The following MZT1 variants were observed in gnomAD, a reference collection of about 807,000 sequenced individuals.
The protein encoded by MZT1 is mitotic-spindle organizing protein 1.
Under a neutral mutation model 8.5 loss-of-function variants are expected in MZT1, and 8 were observed. The ratio of observed to expected loss-of-function variants is 0.94; its 90% CI spans 0.55 to 1.70. MZT1 has a LOEUF of 1.70. Among genes scored for constraint, MZT1 ranks in the 40% most tolerant of loss-of-function variants. MZT1 has a pLI of 0.00. For synonymous variants in MZT1, 38 were observed against 42.0 expected, an observed-to-expected ratio of 0.90 and a Z score of 0.37; for missense variants, 93 against 108.6, an observed-to-expected ratio of 0.86 and a Z score of 0.64.
chr13:72,711,565 T>C (rs1198332919), intron 2 of MZT1, among the ~76,000 whole-genome samples: 1 of 152,172 alleles, frequency 6.6e-6, no homozygotes, highest in Non-Finnish European at 1.5e-5. Context: ...TACCCTTGAT[T>C]TGTTATCCTA....
rs1390331023 is a variant in MZT1 at position 72,723,748 on chromosome 13, A to G, written c.79+3776T>C. Among the ~76,000 whole-genome samples, 3 of 152,382 alleles carry G rather than the reference A, an allele frequency of 2.0e-5. No homozygotes were observed. The East Asian group carries it at 5.8e-4, about 29-fold the overall frequency. On this transcript the variant is annotated intron_variant, in intron 1 of 2. Transcript: ENST00000377818. Reference sequence around the variant, plus strand: ...TTGTGCCTATTATGCTACTGCTGCAAATACAGTTATGAACAAGGTATATAT... The same window carrying G: ...TTGTGCCTATTATGCTACTGCTGCAGATACAGTTATGAACAAGGTATATAT...
intron 2 of MZT1, among the ~76,000 whole-genome samples, chr13:72,711,671 T>A (rs1258522740): frequency 6.8e-6 from 1 of 147,856 alleles, no homozygotes; most frequent in Admixed American, 7.1e-5. Flanking sequence ...ACAATTTCTC[T>A]TTACCTTAAT....
At chr13:72,715,216 G>A (rs1242953273) in intron 2 of MZT1, among the ~76,000 whole-genome samples, 1 of 152,212 alleles carries the variant, frequency 6.6e-6, no homozygotes, top group Non-Finnish European at 1.5e-5. Context: ...AAGATTTAAT[G>A]ACTACCCTGC....
At chr13:72,725,020 C>T (rs1204779866) in intron 1 of MZT1, among the ~76,000 whole-genome samples, 3 of 146,528 alleles carry the variant, frequency 2.0e-5, no homozygotes, top group Non-Finnish European at 3.0e-5. Context: ...GAGCCAAGGT[C>T]GCGCCACTGC....
In MZT1 at chr13:72,727,536, C is replaced by G. The variant is rs755693567; in HGVS notation, c.67G>C (p.Glu23Gln). The G allele has an allele frequency of 4.8e-5, 78 of 1,613,312 alleles. No homozygotes were observed. The highest frequency in any genetic ancestry group is 6.2e-5 in the Non-Finnish European group (73 of 1,179,730). ...AACGGAAACTCACCGTCCATGGTCTCCCGCACCGCATTCAGATTCGCCGCC... is the reference window on the plus strand; with the variant it reads ...AACGGAAACTCACCGTCCATGGTCTGCCGCACCGCATTCAGATTCGCCGCC... ...AAAANLNAVR[E>Q]TMDVLLEISR... is the part of the protein sequence containing the mutation. Residue 23 changes from glutamate to glutamine, a missense_variant, in exon 1 of 3, where the codon GAG becomes CAG. Physicochemically the swap from Glu to Gln is conservative, Grantham distance 29. Transcript: ENST00000377818.
intron 2 of MZT1, among the ~76,000 whole-genome samples, chr13:72,715,683 A>C (rs183883393): frequency 3.3e-5 from 5 of 152,116 alleles, no homozygotes; most frequent in African/African-American, 1.2e-4. Flanking sequence ...GTACTCGCTA[A>C]AGTGAGTGAA....
rs547156693 is a variant in MZT1, at chr13:72,726,678, A to G, written c.79+846T>C. On this transcript the variant is annotated intron_variant, in intron 1 of 2. Transcript: ENST00000377818. ...ATATAAAAATAATTGATCATCTTTGATATGTTTTTACATGGTTGTCTTATT... is the reference window on the plus strand; with the variant it reads ...ATATAAAAATAATTGATCATCTTTGGTATGTTTTTACATGGTTGTCTTATT... Among the ~76,000 whole-genome samples, 4 of 148,742 alleles carry G rather than the reference A, an allele frequency of 2.7e-5. No individual in the cohort carries two copies. The East Asian group carries it at 8.3e-4, about 31-fold the overall frequency.
rs937983678 is a variant in MZT1 at position 72,717,705 on chromosome 13, T to C, written c.225+1247A>G. On this transcript the variant is annotated intron_variant, in intron 2 of 2. Coordinates refer to ENST00000377818, the MANE Select transcript of MZT1 (RefSeq NM_001071775.3). ...GTCCAATAAATGTTCCCCATTTCCA[T>C]CTGGGTCTTCACTAAAAGTGCTTTT... Among the ~76,000 whole-genome samples, 4 of 152,174 alleles carry C rather than the reference T, an allele frequency of 2.6e-5. No homozygotes were observed. In the South Asian group the frequency reaches 8.3e-4, roughly 32 times the overall value.
chr13:72,718,109 T>C (rs2032554320), intron 2 of MZT1, among the ~76,000 whole-genome samples: 1 of 152,196 alleles, frequency 6.6e-6, no homozygotes, highest in Admixed American at 6.5e-5. Context: ...ATACCTACTA[T>C]ACATATTTAA....
Position 72,720,717 on chromosome 13 carries a change from C to T in MZT1, c.80-1620G>A, listed in dbSNP as rs377566545. 7.2e-5 allele frequency among the ~76,000 whole-genome samples: 11 copies of T among 152,078 alleles called. No individual in the cohort carries two copies. The East Asian group carries it at 1.4e-3, about 19-fold the overall frequency. On this transcript the variant is annotated intron_variant, in intron 1 of 2. Coordinates refer to ENST00000377818, the MANE Select transcript of MZT1 (RefSeq NM_001071775.3). ...CAGCCTGACCAACATGGAGAAACCCCGTCTCTACTAAAAATACAAAATTAG... is the reference window on the plus strand; with the variant it reads ...CAGCCTGACCAACATGGAGAAACCCTGTCTCTACTAAAAATACAAAATTAG...
At chr13:72,718,537 G>A (rs181048293) in intron 2 of MZT1, among the ~76,000 whole-genome samples, 35 of 151,150 alleles carry the variant, frequency 2.3e-4, no homozygotes, top group African/African-American at 8.5e-4. Context: ...GTGCAGTGTC[G>A]CCAACTTGGC....
intron 1 of MZT1, 46 bp downstream of exon 1, chr13:72,727,478 G>A (rs1164317147): frequency 3.1e-6 from 5 of 1,590,180 alleles, no homozygotes; most frequent in Non-Finnish European, 4.3e-6. Context: ...GGGGGCCTTG[G>A]CTCTGGGAAG....
rs759695356 is a variant in MZT1, at chr13:72,727,571, G to A, written c.32C>T (p.Ala11Val). Residue 11 changes from alanine (A) to valine (V), a missense_variant, in exon 1 of 3, where the codon GCG (alanine) becomes GTG (valine). Transcript: ENST00000377818. ...ATTCAGATTCGCCGCCGCGGCCGCC[G>A]CCGCCGCCCCAGCACCGCTGCTACT... Reference protein sequence around the residue: MASSSGAGAAAAAAAANLNAV... With the variant: MASSSGAGAAVAAAAANLNAV... 1.3e-6 allele frequency: 2 copies of A among 1,596,740 alleles called. No individual in the cohort carries two copies. The highest frequency in any genetic ancestry group is 4.5e-5 in the East Asian group (2 of 44,402).
chr13:72,718,654 A>G (rs1199774453), intron 2 of MZT1, among the ~76,000 whole-genome samples: 2 of 151,648 alleles, frequency 1.3e-5, no homozygotes, highest in Non-Finnish European at 2.9e-5. Context: ...ATTTTTTTGT[A>G]TTTTTAGTAG....
Position 72,708,892 on chromosome 13 carries a change from AGCT to A in MZT1, c.*1427_*1429del, listed in dbSNP as rs1341411970. The A allele has an allele frequency of 6.6e-6, 1 of 151,880 alleles. No homozygotes were observed. The highest frequency in any genetic ancestry group is 1.5e-5 in the Non-Finnish European group (1 of 67,908). 9.4% of individuals were successfully genotyped at this position (151,880 alleles called of 1,614,324 possible). On this transcript the variant is annotated 3_prime_UTR_variant, in exon 3 of 3. Coordinates refer to ENST00000377818, the MANE Select transcript of MZT1 (RefSeq NM_001071775.3). The stretch of plus-strand genomic sequence containing the variant: ...TACCAAATCTTAATAAAACCACTTC[AGCT>A]TGTCTGAAAAACAAAAAATGCTAGT...
intron 1 of MZT1, among the ~76,000 whole-genome samples, chr13:72,725,001 G>C (rs1046211474): frequency 1.3e-5 from 2 of 149,584 alleles, no homozygotes; most frequent in African/African-American, 4.9e-5. Context: ...GGGAGGCGGA[G>C]GTTGCAGTGA....
rs1018277372 is a variant in MZT1, at chr13:72,709,161, T to C, written c.*1161A>G. On this transcript the variant is annotated 3_prime_UTR_variant, in exon 3 of 3. Coordinates refer to ENST00000377818, the MANE Select transcript of MZT1 (RefSeq NM_001071775.3). ...ACAAAACAATTCTGAAAAGCCATAC[T>C]TATAATCCTTGACATCAAGATGTTA... is the stretch of plus-strand genomic sequence containing the variant. 5 of 152,044 alleles carry C rather than the reference T, an allele frequency of 3.3e-5. No individual in the cohort carries two copies. Among genetic ancestry groups the C allele is most frequent in the African/African-American group, 4.8e-5 (2 of 41,458 alleles). 9.4% of individuals were successfully genotyped at this position (152,044 alleles called of 1,614,324 possible).
chr13:72,713,355 A>G (rs2032505753), intron 2 of MZT1, among the ~76,000 whole-genome samples: 1 of 152,168 alleles, frequency 6.6e-6, no homozygotes, highest in Admixed American at 6.5e-5. Flanking sequence ...GTCCCTTGGT[A>G]TCCATGGTGA....
Position 72,724,539 on chromosome 13 carries a change from G to GTT in MZT1, c.79+2983_79+2984dup, listed in dbSNP as rs201616341. On this transcript the variant is annotated intron_variant, in intron 1 of 2. Coordinates refer to ENST00000377818, the MANE Select transcript of MZT1 (RefSeq NM_001071775.3). ...CTCTTAACTCCTTTCTCTATAACGT[G>GTT]TTTTTTTTTTTTTTTTTGAGATGGA... 2.2e-3 allele frequency among the ~76,000 whole-genome samples: 241 copies of GTT among 111,472 alleles called. 4 individuals are homozygous for GTT. The highest frequency in any genetic ancestry group is 4.7e-3 in the African/African-American group (149 of 31,698). The allele number at this position is 111,472 out of a possible 152,430, so 73.1% of individuals were successfully genotyped here. A position where few individuals can be genotyped will look rare whatever the true frequency, so the allele number is the denominator to read the frequency against.
Sources: allele counts gnomAD v4.1 joint callset (sites outside exome capture counted in the v4.1 genomes callset), GRCh38; gene constraint gnomAD v4.1.1; transcripts MANE v1.5; gene names NCBI Gene and HGNC (gene_info 2026-07-23, HGNC 2026-07-21).